The following UTS2 variants were observed in gnomAD, a reference collection of about 807,000 sequenced individuals.
UTS2 encodes urotensin 2, also known as urotensin-2.
Under a neutral mutation model 12.6 loss-of-function variants are expected in UTS2, and 10 were observed. That is an observed-to-expected ratio of 0.80 (90% confidence interval 0.49 to 1.35). UTS2 has a LOEUF of 1.35. Ranked by LOEUF, UTS2 falls within the 40% of genes most tolerant of loss-of-function variation. The pLI is 0.00. For missense variants in UTS2, 142 were observed against 143.2 expected (o/e 0.99, Z 0.04); for synonymous variants, 52 against 50.0 (o/e 1.04, Z -0.17).
chr1:7,870,406 ATTTC>A, the UTS2 span, among the ~76,000 whole-genome samples: 2 of 152,160 alleles, frequency 1.3e-5, no homozygotes, highest in African/African-American at 4.8e-5. Context: ...ACTGCAAAAA[ATTTC>A]TTTTCTGTCA....
chr1:7,903,980 G>A, the UTS2 span, among the ~76,000 whole-genome samples: 3 of 152,082 alleles, frequency 2.0e-5, no homozygotes, highest in Non-Finnish European at 2.9e-5. Flanking sequence ...TCCACACAAG[G>A]GTTAGGCGAA....
the UTS2 span, among the ~76,000 whole-genome samples, chr1:7,898,154 C>A: frequency 7.9e-5 from 12 of 152,012 alleles, no homozygotes; most frequent in Non-Finnish European, 1.3e-4. Context: ...ATTTAAATTT[C>A]TTTTTTCTTG....
chr1:7,886,060 T>G, the UTS2 span, among the ~76,000 whole-genome samples: 5 of 152,090 alleles, frequency 3.3e-5, no homozygotes, highest in Non-Finnish European at 7.4e-5. Context: ...AGGTGTAAGG[T>G]ATCCCAGGTA....
At chr1:7,861,370 T>C in the UTS2 span, among the ~76,000 whole-genome samples, 1 of 151,170 alleles carries the variant, frequency 6.6e-6, no homozygotes, top group African/African-American at 2.4e-5. Context: ...TTTGGTGGCC[T>C]GGGGGGTTGG....
the UTS2 span, among the ~76,000 whole-genome samples, chr1:7,908,537 G>A: frequency 2.8e-4 from 43 of 151,246 alleles, 1 homozygote; most frequent in South Asian, 8.8e-3. Context: ...CCCAGTACTG[G>A]TCAGATCAGA....
the UTS2 span, among the ~76,000 whole-genome samples, chr1:7,899,704 G>A: frequency 1.4e-4 from 22 of 152,120 alleles, no homozygotes; most frequent in Non-Finnish European, 3.2e-4. Flanking sequence ...GTTAGATTTT[G>A]TTTGTGAACT....
chr1:7,905,952 A>G, the UTS2 span, among the ~76,000 whole-genome samples: 1 of 148,222 alleles, frequency 6.7e-6, no homozygotes, highest in East Asian at 2.1e-4. Context: ...CTTGCTGGGC[A>G]CACGGGGGCC....
At chr1:7,895,190 GA>G in the UTS2 span, among the ~76,000 whole-genome samples, 3 of 152,018 alleles carry the variant, frequency 2.0e-5, no homozygotes, top group Admixed American at 6.6e-5. Flanking sequence ...CCAACATGGG[GA>G]AACCCTGTCT....
the UTS2 span, among the ~76,000 whole-genome samples, chr1:7,912,051 C>T: frequency 6.6e-6 from 1 of 152,210 alleles, no homozygotes; most frequent in East Asian, 1.9e-4. Flanking sequence ...CAAATACCAT[C>T]TTATCTCCCT....
the UTS2 span, among the ~76,000 whole-genome samples, chr1:7,859,549 G>C: frequency 5.9e-5 from 9 of 152,344 alleles, no homozygotes; most frequent in South Asian, 6.2e-4. Context: ...CCAGGCAGAC[G>C]GAACAGTGAG....
chr1:7,860,714 A>G, the UTS2 span, among the ~76,000 whole-genome samples: 132,869 of 151,772 alleles, frequency 0.88, 58,365 homozygotes, highest in East Asian at 0.93. Flanking sequence ...GATTACAGGC[A>G]TGAGCCACCA....
At chr1:7,874,616 C>T in the UTS2 span, among the ~76,000 whole-genome samples, 133 of 152,314 alleles carry the variant, frequency 8.7e-4, no homozygotes, top group East Asian at 0.022. Context: ...TTCCCAGAGC[C>T]GCAGAGCTGC....
chr1:7,860,290 G>A, the UTS2 span, among the ~76,000 whole-genome samples: 1 of 152,134 alleles, frequency 6.6e-6, no homozygotes, highest in Non-Finnish European at 1.5e-5. Context: ...AACGTGGAGA[G>A]AGCCTCACAG....
chr1:7,893,791 G>T, the UTS2 span, among the ~76,000 whole-genome samples: 1 of 152,044 alleles, frequency 6.6e-6, no homozygotes, highest in Non-Finnish European at 1.5e-5. Flanking sequence ...CATATATTTC[G>T]TCGCACTTTT....
the UTS2 span, among the ~76,000 whole-genome samples, chr1:7,889,366 T>A: frequency 7.0e-6 from 1 of 142,834 alleles, no homozygotes; most frequent in Non-Finnish European, 1.5e-5. Flanking sequence ...TGCCTGAGCC[T>A]GGAATGTTGA....
At chr1:7,858,691 C>A in the UTS2 span, among the ~76,000 whole-genome samples, 1 of 152,164 alleles carries the variant, frequency 6.6e-6, no homozygotes, top group Non-Finnish European at 1.5e-5. Context: ...AGTCCCTATT[C>A]TCACGCTTCA....
the UTS2 span, among the ~76,000 whole-genome samples, chr1:7,891,589 A>AAAGAAAGAAAG: frequency 4.0e-5 from 6 of 150,880 alleles, no homozygotes; most frequent in South Asian, 2.1e-4. Context: ...AGAAAGAAAG[A>AAAGAAAGAAAG]AAGAAAGAAA....
At chr1:7,877,623 C>A in the UTS2 span, among the ~76,000 whole-genome samples, 12 of 152,132 alleles carry the variant, frequency 7.9e-5, 1 homozygote, top group Non-Finnish European at 1.8e-4. Context: ...GCCTGTAATC[C>A]CAGCACTTTG....
chr1:7,885,130 T>TCATCCACC, the UTS2 span, among the ~76,000 whole-genome samples: 8 of 150,210 alleles, frequency 5.3e-5, no homozygotes, highest in African/African-American at 2.0e-4. Flanking sequence ...CACCCACCTA[T>TCATCCACC]CATCCATCCA....
Sources: allele counts gnomAD v4.1 joint callset (sites outside exome capture counted in the v4.1 genomes callset), GRCh38; gene constraint gnomAD v4.1.1; transcripts MANE v1.5; gene names NCBI Gene and HGNC (gene_info 2026-07-23, HGNC 2026-07-21).